Variants in LDB3 observed in about 807,000 individuals in gnomAD.
The protein encoded by LDB3 is LIM domain binding 3.
Under a neutral mutation model 69.0 loss-of-function variants are expected in LDB3, and 49 were observed. That is an observed-to-expected ratio of 0.71 (90% CI 0.56 to 0.90). The LOEUF is 0.90. Ranked by LOEUF, LDB3 falls within the 40% of genes least tolerant of loss-of-function variation. LDB3 has a pLI of 0.00. For synonymous variants in LDB3, 387 were observed against 396.2 expected (o/e 0.98, Z 0.28); for missense variants, 928 against 974.1 (o/e 0.95, Z 0.63).
At chr10:86,724,435 T>G (rs569413758) in intron 12 of LDB3, among the ~76,000 whole-genome samples, 2 of 151,318 alleles carry the variant, frequency 1.3e-5, no homozygotes, top group South Asian at 4.2e-4. Flanking sequence ...AAGCCCCATC[T>G]CTACTAAAAA....
In LDB3 at chr10:86,699,651, G is replaced by A; in HGVS notation, c.897-6880G>A. 1.5e-6 allele frequency: 2 copies of A among 1,313,220 alleles called. No homozygotes were observed. Among genetic ancestry groups the A allele is most frequent in the Non-Finnish European group, 2.0e-6 (2 of 1,021,948 alleles). The allele number at this position is 1,313,220 out of a possible 1,614,324, so 81.3% of individuals were successfully genotyped here. A position where few individuals can be genotyped will look rare whatever the true frequency, so the allele number is the denominator to read the frequency against. ...CCCAATCCCCTGCCCTCTGCACAGG[G>A]CCTTAGCTGTAGACCAGAGAGGGCA... is the stretch of plus-strand genomic sequence containing the variant. On this transcript the variant is annotated intron_variant, in intron 7 of 13. Transcript: ENST00000361373. The surrounding 1 kb of genome is among the most constrained non-coding windows in gnomAD (Gnocchi z 4.9).
chr10:86,673,178 T>C lies in LDB3; in HGVS notation c.93+4394T>C, dbSNP rs377701542. Among the ~76,000 whole-genome samples, 34 of 152,338 alleles carry C rather than the reference T, an allele frequency of 2.2e-4. 1 individual carries two copies. The South Asian group carries it at 5.2e-3, about 23-fold the overall frequency. ...AGCCAGTGCCCATGAGGGCATTTTATTGGCCACACCCAAGACCCAAATGGA... is the reference window on the plus strand; with the variant it reads ...AGCCAGTGCCCATGAGGGCATTTTACTGGCCACACCCAAGACCCAAATGGA... On this transcript the variant is annotated intron_variant, in intron 2 of 13. Transcript: ENST00000361373.
At chr10:86,728,828 C>A (rs1419160036) in intron 13 of LDB3, among the ~76,000 whole-genome samples, 1 of 152,052 alleles carries the variant, frequency 6.6e-6, no homozygotes, top group Admixed American at 6.6e-5. Context: ...GAGCCACCCA[C>A]CTCGGCCTCC....
At chr10:86,668,999 G>A (rs542638505) in intron 2 of LDB3, among the ~76,000 whole-genome samples, 2 of 152,292 alleles carry the variant, frequency 1.3e-5, no homozygotes, top group East Asian at 3.9e-4. Flanking sequence ...ATGAGCAGGT[G>A]GTAGGTGTTT....
Position 86,718,032 on chromosome 10 carries a change from C to A in LDB3, c.1745C>A (p.Thr582Asn). 6.2e-7 allele frequency: 1 copy of A among 1,614,222 alleles called. No homozygotes were observed. The highest frequency in any genetic ancestry group is 8.5e-7 in the Non-Finnish European group (1 of 1,180,032). Residue 582 changes from threonine (T) to asparagine (N), a missense_variant, in exon 11 of 14, where the codon ACT (threonine) becomes AAT (asparagine). Thr to Asn is a moderately conservative substitution (Grantham distance 65, BLOSUM62 0). Transcript: ENST00000361373. ...PEEFTCAYCKTSLADVCFVEE... is the reference protein window; with the variant it reads ...PEEFTCAYCKNSLADVCFVEE... ...GAGTTCACCTGTGCCTACTGCAAGA[C>A]TTCCCTGGCAGATGTGTGCTTTGTG...
At chr10:86,692,511 T>G in intron 6 of LDB3, 24 bp from the exon 7 acceptor site, 1 of 1,613,890 alleles carries the variant, frequency 6.2e-7, no homozygotes, top group Non-Finnish European at 8.5e-7. Context: ...GTGAGTCCCC[T>G]GACCAGCTCC....
At chr10:86,701,794 G>A (rs75577411) in intron 7 of LDB3, among the ~76,000 whole-genome samples, 74 of 152,338 alleles carry the variant, frequency 4.9e-4, no homozygotes, top group African/African-American at 1.7e-3. Flanking sequence ...ATGAGAAGTG[G>A]TGTCCCAGAA....
chr10:86,704,855 T>G (rs1422553597), intron 7 of LDB3, among the ~76,000 whole-genome samples: 3 of 152,130 alleles, frequency 2.0e-5, no homozygotes, highest in African/African-American at 7.2e-5. Context: ...ATGCTGGGAT[T>G]ACAGGCGTGA....
chr10:86,684,685 G>C (rs890360176), intron 5 of LDB3, among the ~76,000 whole-genome samples: 1 of 152,204 alleles, frequency 6.6e-6, no homozygotes, highest in Non-Finnish European at 1.5e-5. Context: ...GGGTTTGGCT[G>C]CAAATGACCA....
Position 86,681,478 on chromosome 10 carries a change from C to T in LDB3, c.364C>T (p.Pro122Ser), listed in dbSNP as rs1301236787. 1.2e-6 allele frequency: 2 copies of T among 1,607,950 alleles called. No homozygotes were observed. The highest frequency in any genetic ancestry group is 1.1e-5 in the South Asian group (1 of 91,060). ...GAACGGCAGCCTGGTGGCACCCAGC[C>T]CCAGCCCTGAGGCGAGGGCCAGCCC... ...DTNGSLVAPSPSPEARASPGT... is the reference protein window; with the variant it reads ...DTNGSLVAPSSSPEARASPGT... The change falls in exon 5 of 14, where the codon CCC becomes TCC. Residue 122 changes from proline (P) to serine (S), a missense_variant. Physicochemically the swap from Pro to Ser is moderately conservative, Grantham distance 74. Coordinates refer to ENST00000361373, the MANE Select transcript of LDB3 (RefSeq NM_007078.3).
rs776803568 is a variant in LDB3, at chr10:86,692,002, C to G, written c.796C>G (p.Arg266Gly). ...AGATGAGGCTGACGAGTGGGCACGCCGTTCCTCCAACCTGCAGTCTCGCTC... is the reference window on the plus strand; with the variant it reads ...AGATGAGGCTGACGAGTGGGCACGCGGTTCCTCCAACCTGCAGTCTCGCTC... ...PEDEADEWAR[R>G]SSNLQSRSFR... Residue 266 changes from arginine (R) to glycine (G), a missense_variant, in exon 6 of 14, where the codon CGT (arginine) becomes GGT (glycine). Coordinates refer to ENST00000361373, the MANE Select transcript of LDB3 (RefSeq NM_007078.3). 1 of 1,614,174 alleles carries G rather than the reference C, an allele frequency of 6.2e-7. No homozygotes were observed. Among genetic ancestry groups the G allele is most frequent in the African/African-American group, 1.3e-5 (1 of 75,054 alleles).
At chr10:86,690,135 C>A (rs1043004352) in intron 5 of LDB3, among the ~76,000 whole-genome samples, 2 of 152,206 alleles carry the variant, frequency 1.3e-5, no homozygotes, top group Non-Finnish European at 2.9e-5. Context: ...GCAGCAAACA[C>A]CTTCCACCTG....
At chr10:86,713,309 C>T (rs1044435105) in intron 9 of LDB3, among the ~76,000 whole-genome samples, 3 of 151,928 alleles carry the variant, frequency 2.0e-5, no homozygotes, top group Admixed American at 2.0e-4. Flanking sequence ...TACAATGGCA[C>T]GACTTCGACT....
rs933497345 is a variant in LDB3, at chr10:86,699,777, A to G, written c.897-6754A>G. The G allele has an allele frequency of 9.3e-7, 1 of 1,071,818 alleles. No individual in the cohort carries two copies. Among genetic ancestry groups the G allele is most frequent in the African/African-American group, 1.6e-5 (1 of 60,926 alleles). The allele number at this position is 1,071,818 out of a possible 1,614,324, so 66.4% of individuals were successfully genotyped here. A position where few individuals can be genotyped will look rare whatever the true frequency, so the allele number is the denominator to read the frequency against. On this transcript the variant is annotated intron_variant, in intron 7 of 13. Transcript: ENST00000361373. This position sits in a 1 kb window ranked among gnomAD's most constrained non-coding sequence, Gnocchi z 4.9. Reference sequence around the variant, plus strand: ...GCTCCTGGCCTCATCCCCTCCTAGAATGAGTCACCCGTAGATCAGGGTCTG... The same window carrying G: ...GCTCCTGGCCTCATCCCCTCCTAGAGTGAGTCACCCGTAGATCAGGGTCTG...
rs1846149626 is a variant in LDB3 at position 86,699,256 on chromosome 10, TC to T, written c.896+6686del. The T allele has an allele frequency of 1.2e-6, 2 of 1,609,858 alleles. No homozygotes were observed. Among genetic ancestry groups the T allele is most frequent in the Non-Finnish European group, 8.5e-7 (1 of 1,178,034 alleles). ...GTCTCTGTTTCTCTCTCTCTCTCTCTCTCTCTCTCTCTGTGCCACAGGGAAA... is the reference window on the plus strand; with the variant it reads ...GTCTCTGTTTCTCTCTCTCTCTCTCTTCTCTCTCTCTGTGCCACAGGGAAA... On this transcript the variant is annotated intron_variant, in intron 7 of 13. Coordinates refer to ENST00000361373, the MANE Select transcript of LDB3 (RefSeq NM_007078.3). The surrounding 1 kb of genome is among the most constrained non-coding windows in gnomAD (Gnocchi z 4.9).
chr10:86,716,412 C>T lies in LDB3; in HGVS notation c.1317C>T (p.Pro439=), dbSNP rs397517208. ...YTPSPAPAYT[P]SPAPAYTPSP... ...CCTCCCCTGCCCCTGCCTACACCCCCTCCCCTGCCCCTGCCTACACCCCCT... is the reference window on the plus strand; with the variant it reads ...CCTCCCCTGCCCCTGCCTACACCCCTTCCCCTGCCCCTGCCTACACCCCCT... Residue 439 remains proline, a synonymous_variant, in exon 10 of 14, where the codon CCC becomes CCT. Coordinates refer to ENST00000361373, the MANE Select transcript of LDB3 (RefSeq NM_007078.3). 3.8e-5 allele frequency: 58 copies of T among 1,546,088 alleles called. 1 individual carries two copies. The South Asian group carries it at 6.3e-4, about 17-fold the overall frequency.
chr10:86,680,478 G>C (rs529680340), intron 4 of LDB3, among the ~76,000 whole-genome samples: 44 of 152,352 alleles, frequency 2.9e-4, no homozygotes, highest in African/African-American at 1.0e-3. Flanking sequence ...CTCCTGGCCA[G>C]GCAGGGGACG....
At chr10:86,706,245 G>A (rs1169449211) in intron 7 of LDB3, among the ~76,000 whole-genome samples, 2 of 130,732 alleles carry the variant, frequency 1.5e-5, no homozygotes, top group African/African-American at 5.6e-5. Flanking sequence ...AAATTAGGAA[G>A]TACAGAAAAA....
rs538450920 is a variant in LDB3 at position 86,688,108 on chromosome 10, CT to C, written c.690-3782del. 4.5e-5 allele frequency among the ~76,000 whole-genome samples: 5 copies of C among 111,714 alleles called. No individual in the cohort carries two copies. The East Asian group carries it at 1.6e-3, about 35-fold the overall frequency. The allele number at this position is 111,714 out of a possible 152,430, so 73.3% of individuals were successfully genotyped here. ...GTATGTGTCTGTCTATCTGTTGTTT[CT>C]TTTTTACACACATACACATAATTCC... On this transcript the variant is annotated intron_variant, in intron 5 of 13. Coordinates refer to ENST00000361373, the MANE Select transcript of LDB3 (RefSeq NM_007078.3).
Sources: gnomAD v4.1 joint callset for allele counts (sites outside exome capture counted in the v4.1 genomes callset) on GRCh38, gnomAD v4.1.1 for gene constraint, Gnocchi (gnomAD v3.1) non-coding constraint, MANE v1.5 for transcripts, NCBI Gene and HGNC (gene_info 2026-07-23, HGNC 2026-07-21) for gene names.